The following WWOX variants were observed in gnomAD, a reference collection of about 807,000 sequenced individuals.
WWOX encodes the protein WW domain-containing oxidoreductase.
Under a neutral mutation model 46.2 loss-of-function variants are expected in WWOX, and 69 were observed. The observed-to-expected ratio is 1.49, with a 90% confidence interval of 1.23 to 1.82. The LOEUF is 1.82. Ranked by LOEUF, WWOX falls within the 40% of genes most tolerant of loss-of-function variation. The pLI, the probability that WWOX is intolerant of heterozygous loss-of-function variation, is 0.00. For synonymous variants in WWOX, 359 were observed against 202.6 expected (o/e 1.77, Z -6.56); for missense variants, 919 against 542.6 (o/e 1.69, Z -6.89).
At chr16:78,306,090 C>T (rs528961876) in intron 5 of WWOX, among the ~76,000 whole-genome samples, 9 of 152,126 alleles carry the variant, frequency 5.9e-5, no homozygotes, top group South Asian at 2.1e-4. Flanking sequence ...GAAGCATTTG[C>T]GTCTCGCTGC....
chr16:78,366,047 C>T (rs1341727736), intron 5 of WWOX, among the ~76,000 whole-genome samples: 1 of 152,158 alleles, frequency 6.6e-6, no homozygotes, highest in Non-Finnish European at 1.5e-5. Flanking sequence ...GGGAATACAT[C>T]TTTCGGCCCA....
chr16:79,014,099 C>T (rs2047366114), intron 8 of WWOX, among the ~76,000 whole-genome samples: 1 of 152,178 alleles, frequency 6.6e-6, no homozygotes, highest in South Asian at 2.1e-4. Context: ...GTCGCTTTAG[C>T]CCGAGCTGGG....
chr16:78,764,905 G>GC (rs1210561513), intron 8 of WWOX, among the ~76,000 whole-genome samples: 7 of 152,054 alleles, frequency 4.6e-5, no homozygotes, highest in Non-Finnish European at 2.9e-5. Flanking sequence ...TTTTAAAAAC[G>GC]CAAGTGTTGA....
At chr16:78,378,028 G>C (rs888151832) in intron 5 of WWOX, among the ~76,000 whole-genome samples, 5 of 152,092 alleles carry the variant, frequency 3.3e-5, no homozygotes, top group East Asian at 1.9e-4. Context: ...GAGGGCCCTG[G>C]AGTGAAGGTT....
chr16:79,167,099 G>A (rs1029959990), intron 8 of WWOX, among the ~76,000 whole-genome samples: 4 of 151,928 alleles, frequency 2.6e-5, no homozygotes, highest in Non-Finnish European at 4.4e-5. Flanking sequence ...TGCTACCACG[G>A]CCGGCTAATT....
At chr16:78,500,895 A>T (rs559435695) in intron 8 of WWOX, among the ~76,000 whole-genome samples, 2 of 152,334 alleles carry the variant, frequency 1.3e-5, no homozygotes, top group East Asian at 3.9e-4. Context: ...GTTCCAAAAG[A>T]ATTCAAAGCC....
chr16:78,108,875 C>T (rs1041045882), intron 2 of WWOX, among the ~76,000 whole-genome samples: 1 of 152,154 alleles, frequency 6.6e-6, no homozygotes, highest in African/African-American at 2.4e-5. Flanking sequence ...GTAATTCCAG[C>T]TACTTTGGAG....
At chr16:78,733,354 T>G (rs2049009645) in intron 8 of WWOX, among the ~76,000 whole-genome samples, 1 of 151,864 alleles carries the variant, frequency 6.6e-6, no homozygotes, top group Admixed American at 6.6e-5. Flanking sequence ...TCCCAGAAGG[T>G]CAAGGCAGGA....
intron 8 of WWOX, among the ~76,000 whole-genome samples, chr16:79,024,809 C>G (rs1264399390): frequency 2.0e-5 from 3 of 151,924 alleles, no homozygotes; most frequent in Admixed American, 6.6e-5. Flanking sequence ...TGGCCTCAAG[C>G]AATCCTCTCC....
intron 8 of WWOX, among the ~76,000 whole-genome samples, chr16:79,047,672 A>ACTTTTTTTT (rs529812201): frequency 1.5e-4 from 8 of 53,520 alleles, no homozygotes; most frequent in African/African-American, 6.1e-4. Flanking sequence ...GACTGTCCTG[A>ACTTTTTTTT]TTTTTTTTTT....
intron 5 of WWOX, among the ~76,000 whole-genome samples, chr16:78,309,287 T>C (rs1011047904): frequency 1.3e-4 from 20 of 152,218 alleles, no homozygotes; most frequent in Non-Finnish European, 2.6e-4. Context: ...TCATTCTGCT[T>C]CCTGCCGCTT....
intron 8 of WWOX, among the ~76,000 whole-genome samples, chr16:79,049,427 G>A (rs1170822742): frequency 1.3e-5 from 2 of 152,186 alleles, no homozygotes; most frequent in African/African-American, 4.8e-5. Context: ...AAAACCTTGA[G>A]GGGCATCGAT....
intron 5 of WWOX, among the ~76,000 whole-genome samples, chr16:78,290,712 G>T (rs1364679553): frequency 6.6e-6 from 1 of 151,590 alleles, no homozygotes; most frequent in Non-Finnish European, 1.5e-5. Flanking sequence ...TTCTTGGTGG[G>T]AAAATGACTT....
At chr16:79,210,028 A>C (rs567206849) in intron 8 of WWOX, among the ~76,000 whole-genome samples, 2 of 152,290 alleles carry the variant, frequency 1.3e-5, no homozygotes, top group East Asian at 1.9e-4. Flanking sequence ...AGCTACTATT[A>C]AGTTCAAGTC....
At chr16:78,265,159 C>T (rs1311823328) in intron 5 of WWOX, among the ~76,000 whole-genome samples, 1 of 151,862 alleles carries the variant, frequency 6.6e-6, no homozygotes, top group Non-Finnish European at 1.5e-5. Flanking sequence ...TGGCACCATG[C>T]CTAGCTAATT....
rs540784700 is a variant in WWOX, at chr16:78,134,180, A to G, written c.409+19026A>G. Among the ~76,000 whole-genome samples, 12 of 152,340 alleles carry G rather than the reference A, an allele frequency of 7.9e-5. No individual in the cohort carries two copies. In the East Asian group the frequency reaches 2.1e-3, roughly 27 times the overall value. ...ATATTAGCATTGGATTTTAGAGTCA[A>G]CATGCTAGCAGGATGGCTTTATTTT... On this transcript the variant is annotated intron_variant, in intron 4 of 8. Transcript: ENST00000566780.
intron 8 of WWOX, among the ~76,000 whole-genome samples, chr16:78,760,566 C>G (rs1178749423): frequency 6.6e-6 from 1 of 152,178 alleles, no homozygotes; most frequent in Non-Finnish European, 1.5e-5. Context: ...GGAGAGGATG[C>G]CCACAATGCA....
chr16:78,638,635 C>T (rs1423904486), intron 8 of WWOX, among the ~76,000 whole-genome samples: 1 of 152,128 alleles, frequency 6.6e-6, no homozygotes, highest in South Asian at 2.1e-4. Flanking sequence ...TTCCATGGTG[C>T]CCCAGCAGCA....
At chr16:78,934,002 G>C (rs1221525249) in intron 8 of WWOX, among the ~76,000 whole-genome samples, 2 of 151,788 alleles carry the variant, frequency 1.3e-5, no homozygotes, top group Non-Finnish European at 2.9e-5. Flanking sequence ...GGCTAGCCGA[G>C]GCAACACATA....
Sources: allele counts gnomAD v4.1 joint callset (sites outside exome capture counted in the v4.1 genomes callset), GRCh38; gene constraint gnomAD v4.1.1; transcripts MANE v1.5; gene names NCBI Gene and HGNC (gene_info 2026-07-23, HGNC 2026-07-21).